The following PIP4K2A variants were observed in gnomAD, a reference collection of about 807,000 sequenced individuals.
PIP4K2A encodes the protein phosphatidylinositol 5-phosphate 4-kinase type-2 alpha.
Under a neutral mutation model 42.9 loss-of-function variants are expected in PIP4K2A, and 14 were observed. The ratio of observed to expected loss-of-function variants is 0.33; its 90% confidence interval spans 0.22 to 0.51. The LOEUF is 0.51. PIP4K2A is among the 20% of genes least tolerant of loss of function. The pLI is 0.97. For missense variants in PIP4K2A, 434 were observed against 519.8 expected, an observed-to-expected ratio of 0.83 and a Z score of 1.61; for synonymous variants, 192 against 192.2, an observed-to-expected ratio of 1.00 and a Z score of 0.01.
At chr10:22,644,819 T>C (rs990200018) in intron 1 of PIP4K2A, among the ~76,000 whole-genome samples, 2 of 152,180 alleles carry the variant, frequency 1.3e-5, no homozygotes, top group Non-Finnish European at 1.5e-5. Flanking sequence ...GGACAGGCCA[T>C]AAATATTCAA....
intron 4 of PIP4K2A, among the ~76,000 whole-genome samples, chr10:22,577,197 G>C (rs1039224009): frequency 6.6e-6 from 1 of 152,106 alleles, no homozygotes; most frequent in Non-Finnish European, 1.5e-5. Flanking sequence ...AGAGACACCT[G>C]GTTCTTGTCC....
chr10:22,646,506 TACAA>T (rs1460104276), intron 1 of PIP4K2A, among the ~76,000 whole-genome samples: 1 of 152,186 alleles, frequency 6.6e-6, no homozygotes, highest in African/African-American at 2.4e-5. Flanking sequence ...ACATTTTTCT[TACAA>T]ACAGCCTTGC....
At chr10:22,609,934 C>T (rs910449568) in intron 1 of PIP4K2A, among the ~76,000 whole-genome samples, 1 of 152,066 alleles carries the variant, frequency 6.6e-6, no homozygotes, top group African/African-American at 2.4e-5. Context: ...TGGTGGCCAC[C>T]GGACGGCAGT....
In PIP4K2A at chr10:22,534,985, G is replaced by C. The variant is rs938157856; in HGVS notation, c.*2216C>G. ...GGATTCATCTTGTGAGTCATCAAAA[G>C]TGCTTTATTTGTAAAGCCCGGCTCA... On this transcript the variant is annotated 3_prime_UTR_variant, in exon 10 of 10. Transcript: ENST00000376573. 3.9e-5 allele frequency: 6 copies of C among 152,180 alleles called. No homozygotes were observed. The highest frequency in any genetic ancestry group is 8.8e-5 in the Non-Finnish European group (6 of 68,040). 9.4% of individuals were successfully genotyped at this position (152,180 alleles called of 1,614,324 possible). A position where few individuals can be genotyped will look rare whatever the true frequency, so the allele number is the denominator to read the frequency against.
At chr10:22,600,327 G>A (rs942647984) in intron 3 of PIP4K2A, among the ~76,000 whole-genome samples, 4 of 151,968 alleles carry the variant, frequency 2.6e-5, no homozygotes, top group Admixed American at 1.3e-4. Flanking sequence ...AGCCACCCTC[G>A]TATAAGGGAA....
chr10:22,585,845 C>T (rs1165099005), intron 4 of PIP4K2A, among the ~76,000 whole-genome samples: 1 of 152,148 alleles, frequency 6.6e-6, no homozygotes, highest in Non-Finnish European at 1.5e-5. Flanking sequence ...ATCCGTCCAC[C>T]TCGGCCTCCC....
At chr10:22,548,427 C>T (rs1247982979) in intron 7 of PIP4K2A, among the ~76,000 whole-genome samples, 1 of 152,140 alleles carries the variant, frequency 6.6e-6, no homozygotes, top group African/African-American at 2.4e-5. Context: ...GTCTAAATAT[C>T]ATAGTGATAT....
chr10:22,664,230 C>CATATATATATAT (rs1564460409), intron 1 of PIP4K2A, among the ~76,000 whole-genome samples: 4 of 81,424 alleles, frequency 4.9e-5, no homozygotes, highest in South Asian at 3.5e-4. Context: ...TATATATATA[C>CATATATATATAT]ACACACACAC....
chr10:22,705,871 T>A (rs944129771), intron 1 of PIP4K2A, among the ~76,000 whole-genome samples: 3 of 151,802 alleles, frequency 2.0e-5, no homozygotes, highest in African/African-American at 7.3e-5. Context: ...TACCCAAGAC[T>A]GGGTAATTTA....
chr10:22,664,224 T>TACACAC (rs1554807340), intron 1 of PIP4K2A, among the ~76,000 whole-genome samples: 2 of 52,736 alleles, frequency 3.8e-5, no homozygotes, highest in African/African-American at 8.1e-5. Context: ...TATACATATA[T>TACACAC]ATATACACAC....
intron 1 of PIP4K2A, among the ~76,000 whole-genome samples, chr10:22,701,288 T>C (rs574930756): frequency 6.6e-6 from 1 of 152,334 alleles, no homozygotes; most frequent in Admixed American, 6.5e-5. Context: ...TGTCGATTCC[T>C]TCCTGTTACC....
Position 22,591,784 on chromosome 10 carries a change from TC to T in PIP4K2A, c.340-4del. 1.2e-6 allele frequency: 2 copies of T among 1,607,200 alleles called. No individual in the cohort carries two copies. Among genetic ancestry groups the T allele is most frequent in the Non-Finnish European group, 1.7e-6 (2 of 1,176,248 alleles). On this transcript the variant is annotated splice_region_variant and splice_polypyrimidine_tract_variant and intron_variant, in intron 3 of 9. Coordinates refer to ENST00000376573, the MANE Select transcript of PIP4K2A (RefSeq NM_005028.5). The stretch of plus-strand genomic sequence containing the variant: ...GGTGCGCTCCTGGTCAGGGAATTCT[TC>T]CCGGGTGGGGTAAGAGGGGAAGGAA...
chr10:22,664,133 A>G lies in PIP4K2A; in HGVS notation c.144+50050T>C, dbSNP rs1308292615. Among the ~76,000 whole-genome samples, 5 of 44,862 alleles carry G rather than the reference A, an allele frequency of 1.1e-4. No individual in the cohort carries two copies. The East Asian group carries it at 1.6e-3, about 14-fold the overall frequency. 29.4% of individuals were successfully genotyped at this position (44,862 alleles called of 152,430 possible). A position where few individuals can be genotyped will look rare whatever the true frequency, so the allele number is the denominator to read the frequency against. The stretch of plus-strand genomic sequence containing the variant: ...TATATATACATATATATATATACAT[A>G]TATATATACATATATATACACATAT... On this transcript the variant is annotated intron_variant, in intron 1 of 9. Coordinates refer to ENST00000376573, the MANE Select transcript of PIP4K2A (RefSeq NM_005028.5).
intron 1 of PIP4K2A, among the ~76,000 whole-genome samples, chr10:22,687,641 T>G (rs1839790079): frequency 6.6e-6 from 1 of 152,044 alleles, no homozygotes; most frequent in Non-Finnish European, 1.5e-5. Flanking sequence ...CAGGAATCCC[T>G]CAGGACACCA....
chr10:22,556,410 A>C (rs1318061510), intron 6 of PIP4K2A, among the ~76,000 whole-genome samples: 1 of 152,308 alleles, frequency 6.6e-6, no homozygotes, highest in East Asian at 1.9e-4. Flanking sequence ...CTGAAACCCA[A>C]ATGAGAGTAA....
At chr10:22,538,228 C>T (rs918612580) in intron 9 of PIP4K2A, among the ~76,000 whole-genome samples, 2 of 152,206 alleles carry the variant, frequency 1.3e-5, no homozygotes, top group African/African-American at 2.4e-5. Context: ...CAGCTTAACA[C>T]AGCGTTCCTT....
In PIP4K2A at chr10:22,550,736, T is replaced by G; in HGVS notation, c.715A>C (p.Ile239Leu). Residue 239 changes from isoleucine to leucine, a missense_variant, in exon 7 of 10, where the codon ATT becomes CTT. Ile to Leu is a conservative substitution (Grantham distance 5). Around this residue, in one of 2 missense-constraint regions of PIP4K2A, gnomAD observed 395 missense variants for 444.5 expected, o/e 0.89. Transcript: ENST00000376573. ...ATATAAATCTTTTGGCCCTCATTAA[T>G]GAAATCATTATCTTTCAGAGTTGGC... Reference protein sequence around the residue: ...ELPTLKDNDFINEGQKIYIDD... With the variant: ...ELPTLKDNDFLNEGQKIYIDD... 6.2e-7 allele frequency: 1 copy of G among 1,606,928 alleles called. No individual in the cohort carries two copies. Among genetic ancestry groups the G allele is most frequent in the Non-Finnish European group, 8.5e-7 (1 of 1,173,366 alleles).
intron 1 of PIP4K2A, among the ~76,000 whole-genome samples, chr10:22,653,067 C>A (rs187996094): frequency 1.4e-4 from 21 of 152,100 alleles, no homozygotes; most frequent in African/African-American, 2.2e-4. Flanking sequence ...GCACTCCGGT[C>A]TGGGCAACAG....
Position 22,704,863 on chromosome 10 carries a change from G to A in PIP4K2A, c.144+9320C>T, listed in dbSNP as rs537246096. ...ATCCAGTAACCACTAACCACATGTGGCTAGTGAGCACTTGATATGAGAAAC... is the reference window on the plus strand; with the variant it reads ...ATCCAGTAACCACTAACCACATGTGACTAGTGAGCACTTGATATGAGAAAC... On this transcript the variant is annotated intron_variant, in intron 1 of 9. Coordinates refer to ENST00000376573, the MANE Select transcript of PIP4K2A (RefSeq NM_005028.5). Among the ~76,000 whole-genome samples, 10 of 152,204 alleles carry A rather than the reference G, an allele frequency of 6.6e-5. No individual in the cohort carries two copies. The South Asian group carries it at 1.7e-3, about 25-fold the overall frequency.
Sources: allele counts gnomAD v4.1 joint callset (sites outside exome capture counted in the v4.1 genomes callset), GRCh38; gene constraint gnomAD v4.1.1; regional missense constraint gnomAD v4.1.1; transcripts MANE v1.5; gene names NCBI Gene and HGNC (gene_info 2026-07-23, HGNC 2026-07-21).